Variants in SLC29A3 observed in about 807,000 individuals in gnomAD.
SLC29A3 encodes the protein equilibrative nucleoside transporter 3.
SLC29A3 carries 18 observed loss-of-function variants against 25.4 expected under a neutral mutation model. The observed-to-expected ratio is 0.71, with a 90% CI of 0.49 to 1.05. The LOEUF is 1.05. SLC29A3 is among the 50% of genes least tolerant of loss of function. The pLI is 0.00. For missense variants in SLC29A3, 586 were observed against 609.0 expected (o/e 0.96, Z 0.40); for synonymous variants, 258 against 267.1 (o/e 0.97, Z 0.33).
At chr10:71,364,582 T>C (rs1681529346), downstream of SLC29A3, 1 of 152,156 alleles carries the variant, frequency 6.6e-6, no homozygotes, top group South Asian at 2.1e-4. Context: ...CCCCAAGATG[T>C]GGCAACCCTT....
chr10:71,334,798 G>C (rs1297285362), intron 2 of SLC29A3, among the ~76,000 whole-genome samples: 3 of 152,120 alleles, frequency 2.0e-5, no homozygotes, highest in Non-Finnish European at 4.4e-5. Context: ...CCCTGTGGAG[G>C]CTTGAGCACA....
At chr10:71,373,437 T>C (rs1206583277) in intron 3 of SLC29A3, among the ~76,000 whole-genome samples, 1 of 152,088 alleles carries the variant, frequency 6.6e-6, no homozygotes, top group African/African-American at 2.4e-5. Flanking sequence ...CTCTGCCCTG[T>C]TGGGTAAGGA....
In SLC29A3 at chr10:71,356,130, G is replaced by A; in HGVS notation, c.660G>A (p.Leu220=). Residue 220 remains leucine, a synonymous_variant, in exon 5 of 6, where the codon TTG becomes TTA. Coordinates refer to ENST00000373189, the MANE Select transcript of SLC29A3 (RefSeq NM_018344.6). The part of the protein sequence containing the change: ...TVSAVASLVD[L]AASSDVRNSA... The stretch of plus-strand genomic sequence containing the variant: ...GCGCCGTGGCCTCATTGGTGGACTT[G>A]GCTGCATCCAGTGATGTGAGGAACA... The A allele has an allele frequency of 6.2e-7, 1 of 1,614,130 alleles. No individual in the cohort carries two copies. Among genetic ancestry groups the A allele is most frequent in the Non-Finnish European group, 8.5e-7 (1 of 1,180,038 alleles).
chr10:71,363,929 G>A (rs990536667), downstream of SLC29A3, among the ~76,000 whole-genome samples: 6 of 151,354 alleles, frequency 4.0e-5, no homozygotes, highest in African/African-American at 1.2e-4. Context: ...GGAACCCCAG[G>A]GGGTTGTGCA....
chr10:71,374,641 C>T (rs952212505), intron 3 of SLC29A3, among the ~76,000 whole-genome samples: 1 of 152,168 alleles, frequency 6.6e-6, no homozygotes, highest in Non-Finnish European at 1.5e-5. Context: ...GGTGCAGGTC[C>T]TCAGCTGGCA....
intron 3 of SLC29A3, among the ~76,000 whole-genome samples, chr10:71,370,252 G>A (rs1240465785): frequency 2.0e-5 from 3 of 152,236 alleles, no homozygotes; most frequent in Admixed American, 6.5e-5. Flanking sequence ...GGAACCGTGG[G>A]TGGGTCCACC....
chr10:71,348,473 T>G (rs2131834791), intron 3 of SLC29A3, among the ~76,000 whole-genome samples: 1 of 152,276 alleles, frequency 6.6e-6, no homozygotes. Flanking sequence ...ATGACAGAGC[T>G]GGGCAGGGCT....
intron 3 of SLC29A3, among the ~76,000 whole-genome samples, chr10:71,370,139 A>T (rs1308504941): frequency 6.6e-6 from 1 of 152,208 alleles, no homozygotes; most frequent in Non-Finnish European, 1.5e-5. Flanking sequence ...AAGGTTCATG[A>T]AGGCAAGAGC....
At chr10:71,336,349 C>G (rs918482565) in intron 2 of SLC29A3, among the ~76,000 whole-genome samples, 1 of 152,092 alleles carries the variant, frequency 6.6e-6, no homozygotes, top group Non-Finnish European at 1.5e-5. Context: ...AATTCAGCCC[C>G]CTCTAGACGG....
intron 3 of SLC29A3, among the ~76,000 whole-genome samples, chr10:71,374,312 C>T (rs1709902981): frequency 6.6e-6 from 1 of 152,148 alleles, no homozygotes; most frequent in South Asian, 2.1e-4. Flanking sequence ...TTTCCTCTCT[C>T]CCTTTAACCA....
chr10:71,377,494 G>A (rs1353277256), intron 4 of SLC29A3, among the ~76,000 whole-genome samples: 2 of 152,222 alleles, frequency 1.3e-5, no homozygotes, highest in Non-Finnish European at 2.9e-5. Flanking sequence ...AGGGCTTCCG[G>A]GAGCCGCGGG....
rs373397018 is a variant in SLC29A3, at chr10:71,379,487, G to A, written c.*212-279G>A. On this transcript the variant is annotated intron_variant and NMD_transcript_variant, in intron 4 of 4. Transcript: ENST00000642772. The stretch of plus-strand genomic sequence containing the variant: ...TTATTCCTTATATGAAAGAAGTAGC[G>A]TTGAGTAACCTGATGCTAATGAATC... Among the ~76,000 whole-genome samples, 31 of 152,312 alleles carry A rather than the reference G, an allele frequency of 2.0e-4. No individual in the cohort carries two copies. The East Asian group carries it at 2.1e-3, about 10-fold the overall frequency.
At position 71,351,777 on chromosome 10, in the gene SLC29A3, CACTG is replaced by C. The variant is rs1846771299; in HGVS notation, c.601_604del (p.Leu201TyrfsTer25). 1 of 1,611,944 alleles carries C rather than the reference CACTG, an allele frequency of 6.2e-7. No homozygotes were observed. Among genetic ancestry groups the C allele is most frequent in the African/African-American group, 1.3e-5 (1 of 74,902 alleles). On this transcript the variant is annotated frameshift_variant, in exon 4 of 6. Coordinates refer to ENST00000373189, the MANE Select transcript of SLC29A3 (RefSeq NM_018344.6). LOFTEE classifies it high-confidence loss of function. ...TCCTTTCCTATGAGGAACTCCCAGG[CACTG>C]ATATCAGGTGAGAGCCAGGGTCCGG...
intron 4 of SLC29A3, among the ~76,000 whole-genome samples, chr10:71,352,994 C>A (rs779876739): frequency 1.3e-5 from 2 of 152,160 alleles, no homozygotes; most frequent in Non-Finnish European, 2.9e-5. Flanking sequence ...TGCTGTGCCC[C>A]TTAGTTAATA....
chr10:71,355,505 T>C (rs1846878602), intron 4 of SLC29A3, among the ~76,000 whole-genome samples: 1 of 152,184 alleles, frequency 6.6e-6, no homozygotes, highest in Non-Finnish European at 1.5e-5. Flanking sequence ...ACAGCCGCCT[T>C]GGGGTACACA....
downstream of SLC29A3, chr10:71,366,248 G>A (rs1223439356): frequency 6.6e-6 from 1 of 152,218 alleles, no homozygotes; most frequent in East Asian, 1.9e-4. Flanking sequence ...GTGTTCTAGT[G>A]TTTTGTGAAA....
At chr10:71,348,186 G>A (rs1005039652) in intron 3 of SLC29A3, among the ~76,000 whole-genome samples, 5 of 152,234 alleles carry the variant, frequency 3.3e-5, no homozygotes, top group African/African-American at 1.2e-4. Flanking sequence ...TGCCTGCCAG[G>A]CCCTGTGCCT....
rs541483662 is a variant in SLC29A3 at position 71,352,391 on chromosome 10, C to T, written c.610+603C>T. ...AGGTAGGCAGGAGGGGAGACAGAGTCGCAGCTATTTTTGGATAACATGGTC... is the reference window on the plus strand; with the variant it reads ...AGGTAGGCAGGAGGGGAGACAGAGTTGCAGCTATTTTTGGATAACATGGTC... On this transcript the variant is annotated intron_variant, in intron 4 of 5. Transcript: ENST00000373189. Among the ~76,000 whole-genome samples, 160 of 152,082 alleles carry T rather than the reference C, an allele frequency of 1.1e-3. 1 individual carries two copies. Among genetic ancestry groups the T allele is most frequent in the African/African-American group, 3.4e-3 (143 of 41,462 alleles).
At chr10:71,348,024 C>T (rs2249753) in intron 3 of SLC29A3, among the ~76,000 whole-genome samples, 100,025 of 151,752 alleles carry the variant, frequency 0.66, 34,309 homozygotes, top group Non-Finnish European at 0.76. Flanking sequence ...CTGGCGGATG[C>T]TTCCAGCTGG....
Sources: gnomAD v4.1 joint callset for allele counts (sites outside exome capture counted in the v4.1 genomes callset) on GRCh38, gnomAD v4.1.1 for gene constraint, MANE v1.5 for transcripts, NCBI Gene and HGNC (gene_info 2026-07-23, HGNC 2026-07-21) for gene names.